HDAC4: variants seen among roughly 807,000 people sequenced by gnomAD.
HDAC4 encodes the protein histone deacetylase 4.
Under a neutral mutation model 135.1 loss-of-function variants are expected in HDAC4, and 16 were observed. The observed-to-expected ratio is 0.12, with a 90% CI of 0.08 to 0.18. The LOEUF is 0.18. HDAC4 is among the 10% of genes least tolerant of loss of function. HDAC4 has a pLI of 1.00. For synonymous variants in HDAC4, 685 were observed against 653.4 expected (o/e 1.05, Z -0.74); for missense variants, 1,143 against 1,511.8 (o/e 0.76, Z 4.05).
chr2:239,352,725 T>A lies in HDAC4; in HGVS notation c.-26A>T. 1 of 1,553,656 alleles carries A rather than the reference T, an allele frequency of 6.4e-7. No homozygotes were observed. Among genetic ancestry groups the A allele is most frequent in the Non-Finnish European group, 8.7e-7 (1 of 1,147,260 alleles). The stretch of plus-strand genomic sequence containing the variant: ...TGCTAGCAATGTCCACTCCTTTAAG[T>A]GATTCGAAATGGCTCAAAATTTCCA... On this transcript the variant is annotated 5_prime_UTR_variant, in exon 2 of 27. Coordinates refer to ENST00000543185, the MANE Select transcript of HDAC4 (RefSeq NM_001378414.1). The surrounding 1 kb of genome is among the most constrained non-coding windows in gnomAD (Gnocchi z 4.4).
chr2:239,255,726 T>C (rs2049016810), intron 2 of HDAC4, among the ~76,000 whole-genome samples: 1 of 152,058 alleles, frequency 6.6e-6, no homozygotes, highest in Admixed American at 6.5e-5. Flanking sequence ...TCAGTACCAC[T>C]AAAAGCAGGG....
rs190521855 is a variant in HDAC4 at position 239,336,178 on chromosome 2, T to C, written c.22+16500A>G. ...GTTCAAAACCAGGAGAAACTCATGT[T>C]AGAAGCTAGAGAAGTGGTATCTAGA... On this transcript the variant is annotated intron_variant, in intron 2 of 26. Coordinates refer to ENST00000543185, the MANE Select transcript of HDAC4 (RefSeq NM_001378414.1). 2.6e-5 allele frequency among the ~76,000 whole-genome samples: 4 copies of C among 152,326 alleles called. No homozygotes were observed. The East Asian group carries it at 7.7e-4, about 29-fold the overall frequency.
At chr2:239,368,773 C>A (rs981652292) in intron 1 of HDAC4, among the ~76,000 whole-genome samples, 7 of 152,088 alleles carry the variant, frequency 4.6e-5, no homozygotes, top group African/African-American at 1.7e-4. Context: ...TGGAGTGGAC[C>A]CTCCTAAGTG....
At chr2:239,054,143 G>A (rs569066533) in intron 25 of HDAC4, among the ~76,000 whole-genome samples, 3 of 152,102 alleles carry the variant, frequency 2.0e-5, no homozygotes, top group East Asian at 1.9e-4. Flanking sequence ...ACAGGGAAAC[G>A]GGGAGCTGAG....
chr2:239,280,615 G>A (rs980877413), intron 2 of HDAC4, among the ~76,000 whole-genome samples: 1 of 152,078 alleles, frequency 6.6e-6, no homozygotes, highest in Non-Finnish European at 1.5e-5. Flanking sequence ...CAGGAGGCTC[G>A]GGGGCCTCTC....
chr2:239,372,124 G>A (rs1694666534), intron 1 of HDAC4, among the ~76,000 whole-genome samples: 1 of 152,134 alleles, frequency 6.6e-6, no homozygotes, highest in Non-Finnish European at 1.5e-5. Context: ...GGAACCTGAT[G>A]GGGAGCCTCC....
intron 18 of HDAC4, 77 bp downstream of exon 18, chr2:239,089,932 A>C (rs1323451171): frequency 9.7e-7 from 1 of 1,035,050 alleles, no homozygotes; most frequent in Admixed American, 1.7e-5. Context: ...AGGGAGACGG[A>C]GTGGGCGGCC....
intron 5 of HDAC4, among the ~76,000 whole-genome samples, chr2:239,170,782 C>A (rs1288284054): frequency 1.3e-5 from 2 of 152,180 alleles, no homozygotes; most frequent in Non-Finnish European, 2.9e-5. Flanking sequence ...GGGAGCAGGA[C>A]CCCACCCTCG....
At chr2:239,200,726 A>T (rs1575390717) in intron 3 of HDAC4, among the ~76,000 whole-genome samples, 1 of 152,196 alleles carries the variant, frequency 6.6e-6, no homozygotes. Context: ...GGATGTGCAC[A>T]GGGGAGGCTT....
chr2:239,128,317 TG>T (rs34996676), intron 11 of HDAC4, among the ~76,000 whole-genome samples: 99,324 of 151,752 alleles, frequency 0.65, 33,757 homozygotes, highest in East Asian at 0.79. Context: ...CCGAGGTGGG[TG>T]GATCACCTGA....
intron 8 of HDAC4, 119 bp downstream of exon 8, chr2:239,144,464 G>A (rs1275586783): frequency 1.8e-5 from 24 of 1,313,512 alleles, no homozygotes; most frequent in Non-Finnish European, 2.5e-5. Context: ...GACCACACTG[G>A]GGGTTGACAG....
rs1186040571 is a variant in HDAC4 at position 239,121,508 on chromosome 2, C to T, written c.1533+4948G>A. Among the ~76,000 whole-genome samples, 6 of 152,248 alleles carry T rather than the reference C, an allele frequency of 3.9e-5. No homozygotes were observed. In the East Asian group the frequency reaches 7.7e-4, roughly 20 times the overall value. On this transcript the variant is annotated intron_variant, in intron 12 of 26. Transcript: ENST00000543185. ...TTCCAAGGGCTCTTGGATGGCCCTTCCCCGGCTGGCTGCGGATGGCGTGTG... is the reference window on the plus strand; with the variant it reads ...TTCCAAGGGCTCTTGGATGGCCCTTTCCCGGCTGGCTGCGGATGGCGTGTG...
chr2:239,053,644 T>C lies in HDAC4; in HGVS notation c.3089-43A>G, dbSNP rs762216809. The stretch of plus-strand genomic sequence containing the variant: ...GGAAAGTCGCTCAGTGACTACAACT[T>C]AGCAGGATGCACTGAGGCCCGGGAA... On this transcript the variant is annotated intron_variant, in intron 25 of 26. Transcript: ENST00000543185. 133 of 1,591,792 alleles carry C rather than the reference T, an allele frequency of 8.4e-5. 3 individuals carry two copies. In the South Asian group the frequency reaches 1.4e-3, roughly 17 times the overall value.
At chr2:239,243,528 A>C (rs891616839) in intron 2 of HDAC4, among the ~76,000 whole-genome samples, 1 of 152,182 alleles carries the variant, frequency 6.6e-6, no homozygotes, top group African/African-American at 2.4e-5. Flanking sequence ...GCTGTGACTC[A>C]AGAGTAGTAT....
intron 2 of HDAC4, among the ~76,000 whole-genome samples, chr2:239,320,354 C>T (rs2053266560): frequency 6.9e-6 from 1 of 144,164 alleles, no homozygotes; most frequent in South Asian, 2.2e-4. Context: ...TGCACTCCAG[C>T]CTGGGGAACA....
chr2:239,250,109 C>T (rs990771164), intron 2 of HDAC4, among the ~76,000 whole-genome samples: 1 of 152,264 alleles, frequency 6.6e-6, no homozygotes, highest in African/African-American at 2.4e-5. Flanking sequence ...CAGGGAATAC[C>T]CCGCTCCACA....
intron 12 of HDAC4, among the ~76,000 whole-genome samples, chr2:239,119,682 CTCAGGGCTGAGGAGGTGT>C (rs2039461804): frequency 1.3e-5 from 2 of 152,238 alleles, no homozygotes; most frequent in South Asian, 4.1e-4. Context: ...GAGATGGGAG[CTCAGGGCTGAGGAGGTGT>C]TCAGGGCCTC....
intron 7 of HDAC4, among the ~76,000 whole-genome samples, chr2:239,145,575 A>G (rs906789748): frequency 7.9e-5 from 12 of 152,264 alleles, no homozygotes; most frequent in Non-Finnish European, 1.5e-4. Flanking sequence ...GGGAGAGGTT[A>G]TCGGCTTTCA....
intron 16 of HDAC4, among the ~76,000 whole-genome samples, chr2:239,097,470 G>A (rs1425287852): frequency 1.3e-5 from 2 of 152,232 alleles, no homozygotes; most frequent in African/African-American, 4.8e-5. Context: ...ATGTCAGCGT[G>A]GCACATGGGA....
Sources: gnomAD v4.1 joint callset for allele counts (sites outside exome capture counted in the v4.1 genomes callset) on GRCh38, gnomAD v4.1.1 for gene constraint, Gnocchi (gnomAD v3.1) non-coding constraint, MANE v1.5 for transcripts, NCBI Gene and HGNC (gene_info 2026-07-23, HGNC 2026-07-21) for gene names.